Variants in NDUFAF2 observed in about 807,000 individuals in gnomAD.
The protein encoded by NDUFAF2 is NADH dehydrogenase [ubiquinone] 1 alpha subcomplex assembly factor 2.
NDUFAF2 carries 13 observed loss-of-function variants against 22.8 expected under a neutral mutation model. The ratio of observed to expected loss-of-function variants is 0.57; its 90% CI spans 0.37 to 0.91. The LOEUF (loss-of-function observed/expected upper bound fraction) is 0.91. Ranked by LOEUF, NDUFAF2 falls within the 40% of genes least tolerant of loss-of-function variation. NDUFAF2 has a pLI of 0.01. For synonymous variants in NDUFAF2, 53 were observed against 64.2 expected (o/e 0.83, Z 0.84); for missense variants, 162 against 195.2 (o/e 0.83, Z 1.01).
intron 1 of NDUFAF2, among the ~76,000 whole-genome samples, chr5:60,952,069 T>C (rs1051242907): frequency 6.6e-6 from 1 of 151,806 alleles, no homozygotes; most frequent in Non-Finnish European, 1.5e-5. Context: ...TGATATCCTC[T>C]CTTTCCTGAA....
intron 3 of NDUFAF2, among the ~76,000 whole-genome samples, chr5:61,103,445 A>G (rs927372697): frequency 1.3e-5 from 2 of 152,022 alleles, no homozygotes; most frequent in Admixed American, 6.6e-5. Flanking sequence ...CTTTCTCGGT[A>G]TAACTACACT....
intron 2 of NDUFAF2, among the ~76,000 whole-genome samples, chr5:61,087,378 A>G (rs561444985): frequency 7.6e-4 from 116 of 152,272 alleles, no homozygotes; most frequent in African/African-American, 2.6e-3. Context: ...TGGCAGCCGA[A>G]GCAGACTAAG....
intron 1 of NDUFAF2, among the ~76,000 whole-genome samples, chr5:60,962,003 T>A (rs1475911290): frequency 6.6e-6 from 1 of 152,022 alleles, no homozygotes; most frequent in Non-Finnish European, 1.5e-5. Context: ...TAAGTACTAT[T>A]TTTTCCTCCA....
At chr5:61,134,500 A>G (rs1344071407) in intron 3 of NDUFAF2, among the ~76,000 whole-genome samples, 5 of 152,156 alleles carry the variant, frequency 3.3e-5, no homozygotes, top group Non-Finnish European at 7.3e-5. Flanking sequence ...CCTGGCTAAC[A>G]CAGTGAAACC....
At chr5:61,124,378 G>T (rs1213887019) in intron 3 of NDUFAF2, among the ~76,000 whole-genome samples, 1 of 151,724 alleles carries the variant, frequency 6.6e-6, no homozygotes, top group African/African-American at 2.4e-5. Flanking sequence ...AATGGGTATT[G>T]TTTCTAGTTT....
chr5:61,047,228 G>A (rs1046246803), intron 1 of NDUFAF2, among the ~76,000 whole-genome samples: 1 of 152,064 alleles, frequency 6.6e-6, no homozygotes, highest in Non-Finnish European at 1.5e-5. Flanking sequence ...TGCTTACTAA[G>A]TTCCAGATAC....
intron 1 of NDUFAF2, among the ~76,000 whole-genome samples, chr5:61,037,251 CA>C (rs1177654536): frequency 3.3e-5 from 5 of 152,058 alleles, no homozygotes; most frequent in Non-Finnish European, 7.4e-5. Context: ...CATATGCACA[CA>C]AATTGTTAGG....
chr5:61,107,070 C>CACACACACACACACAG, intron 3 of NDUFAF2, among the ~76,000 whole-genome samples: 1 of 150,180 alleles, frequency 6.7e-6, no homozygotes, highest in Middle Eastern at 3.2e-3. Context: ...CACACACACA[C>CACACACACACACACAG]ACACACACAC....
chr5:61,119,265 G>C (rs912731062), intron 3 of NDUFAF2, among the ~76,000 whole-genome samples: 3 of 152,074 alleles, frequency 2.0e-5, no homozygotes, highest in Non-Finnish European at 4.4e-5. Context: ...TTATCATCAG[G>C]CATCTGGTAT....
At chr5:60,951,071 C>A (rs929365682) in intron 1 of NDUFAF2, among the ~76,000 whole-genome samples, 6 of 151,840 alleles carry the variant, frequency 4.0e-5, no homozygotes, top group Non-Finnish European at 5.9e-5. Flanking sequence ...ACTCTGTCGC[C>A]CAGGCTGGAG....
intron 3 of NDUFAF2, among the ~76,000 whole-genome samples, chr5:61,111,964 G>T (rs1028551269): frequency 1.3e-5 from 2 of 151,822 alleles, no homozygotes; most frequent in Non-Finnish European, 2.9e-5. Context: ...TCTGCATGTT[G>T]CCCAGGCTGG....
At chr5:61,004,675 C>A (rs1221195561) in intron 1 of NDUFAF2, among the ~76,000 whole-genome samples, 1 of 152,012 alleles carries the variant, frequency 6.6e-6, no homozygotes, top group Non-Finnish European at 1.5e-5. Context: ...TGGTAACTGG[C>A]ACTTTTACAG....
At chr5:61,028,731 G>A (rs1247757955) in intron 1 of NDUFAF2, among the ~76,000 whole-genome samples, 1 of 151,944 alleles carries the variant, frequency 6.6e-6, no homozygotes, top group Non-Finnish European at 1.5e-5. Flanking sequence ...GCATTGCTAT[G>A]GCAAAGAATA....
intron 1 of NDUFAF2, among the ~76,000 whole-genome samples, chr5:61,058,863 G>A (rs1752130629): frequency 6.6e-6 from 1 of 151,948 alleles, no homozygotes; most frequent in Non-Finnish European, 1.5e-5. Context: ...GCTCTTCATA[G>A]TGAACACATT....
At chr5:61,110,977 G>T (rs1752833588) in intron 3 of NDUFAF2, among the ~76,000 whole-genome samples, 1 of 151,688 alleles carries the variant, frequency 6.6e-6, no homozygotes, top group Non-Finnish European at 1.5e-5. Flanking sequence ...TCTTTGTACT[G>T]CTTTCTCTGT....
chr5:61,007,272 C>A (rs1751379889), intron 1 of NDUFAF2, among the ~76,000 whole-genome samples: 1 of 151,780 alleles, frequency 6.6e-6, no homozygotes, highest in Non-Finnish European at 1.5e-5. Flanking sequence ...AGTCTTTAAT[C>A]CATCTTGAAT....
chr5:61,143,405 C>T (rs1200542712), intron 3 of NDUFAF2, among the ~76,000 whole-genome samples: 1 of 151,868 alleles, frequency 6.6e-6, no homozygotes, highest in Non-Finnish European at 1.5e-5. Flanking sequence ...ATTAGTGGAG[C>T]TGTCAAGGTC....
intron 3 of NDUFAF2, among the ~76,000 whole-genome samples, chr5:61,152,415 T>G (rs1014842679): frequency 6.6e-6 from 1 of 152,188 alleles, no homozygotes; most frequent in African/African-American, 2.4e-5. Flanking sequence ...CAGGCTTCTG[T>G]GTAATATTTC....
At chr5:61,061,695 C>T (rs1338937604) in intron 1 of NDUFAF2, among the ~76,000 whole-genome samples, 2 of 152,148 alleles carry the variant, frequency 1.3e-5, no homozygotes, top group African/African-American at 4.8e-5. Flanking sequence ...TTTTGAAAGA[C>T]CTTGAGCTGA....
Sources: gnomAD v4.1 joint callset for allele counts (sites outside exome capture counted in the v4.1 genomes callset) on GRCh38, gnomAD v4.1.1 for gene constraint, MANE v1.5 for transcripts, NCBI Gene and HGNC (gene_info 2026-07-23, HGNC 2026-07-21) for gene names.